The following MGST2 variants were observed in gnomAD, a reference collection of about 807,000 sequenced individuals.
MGST2 encodes the protein microsomal glutathione S-transferase 2.
Under a neutral mutation model 16.6 loss-of-function variants are expected in MGST2, and 9 were observed. The observed-to-expected ratio is 0.54, with a 90% CI of 0.33 to 0.95. The LOEUF (loss-of-function observed/expected upper bound fraction) is 0.95, where lower values mean the gene tolerates loss of function less well. MGST2 is among the 40% of genes least tolerant of loss of function. The probability of loss-of-function intolerance (pLI) is 0.03; values close to 1 mark genes in which losing one functional copy is unlikely to be tolerated. For synonymous variants in MGST2, 79 were observed against 68.0 expected (o/e 1.16, Z -0.79); for missense variants, 159 against 175.1 (o/e 0.91, Z 0.52).
chr4:139,691,933 C>T (rs1179970700), intron 2 of MGST2, among the ~76,000 whole-genome samples: 3 of 152,104 alleles, frequency 2.0e-5, no homozygotes, highest in African/African-American at 7.2e-5. Context: ...ATCTCCTGAC[C>T]TCGTGATTTG....
In MGST2 at chr4:139,703,409, C is replaced by T. The variant is rs370772482; in HGVS notation, c.230-46C>T. 8.3e-6 allele frequency: 12 copies of T among 1,438,626 alleles called. No individual in the cohort carries two copies. In the East Asian group the frequency reaches 9.1e-5, roughly 11 times the overall value. 89.1% of individuals were successfully genotyped at this position (1,438,626 alleles called of 1,614,324 possible). ...CGTCGTACAACATCTTAAGAGACTGCTGTTGTATTTTGTGCCTTTTCTTTT... is the reference window on the plus strand; with the variant it reads ...CGTCGTACAACATCTTAAGAGACTGTTGTTGTATTTTGTGCCTTTTCTTTT... On this transcript the variant is annotated intron_variant, in intron 3 of 4. Transcript: ENST00000265498.
At chr4:139,722,121 C>T (rs1579358434) in intron 5 of MGST2, among the ~76,000 whole-genome samples, 1 of 152,138 alleles carries the variant, frequency 6.6e-6, no homozygotes, top group Non-Finnish European at 1.5e-5. Context: ...TAGATACTGT[C>T]TGGAATAATT....
intron 5 of MGST2, among the ~76,000 whole-genome samples, chr4:139,734,873 A>T (rs1728871048): frequency 6.6e-6 from 1 of 152,224 alleles, no homozygotes; most frequent in Non-Finnish European, 1.5e-5. Context: ...GGTGACGGGG[A>T]CCCCGTGGAT....
At chr4:139,706,934 AATTG>A (rs1727541617), downstream of MGST2, among the ~76,000 whole-genome samples, 1 of 152,166 alleles carries the variant, frequency 6.6e-6, no homozygotes, top group African/African-American at 2.4e-5. Flanking sequence ...TATATTACTA[AATTG>A]ATCAATTTTA....
At chr4:139,729,446 C>T (rs1424603271) in intron 5 of MGST2, among the ~76,000 whole-genome samples, 2 of 152,062 alleles carry the variant, frequency 1.3e-5, no homozygotes, top group African/African-American at 4.8e-5. Context: ...ATAGTGCGAC[C>T]CCGTCTCTAT....
At chr4:139,710,070 G>T (rs545171216) in intron 5 of MGST2, among the ~76,000 whole-genome samples, 1 of 152,342 alleles carries the variant, frequency 6.6e-6, no homozygotes, top group South Asian at 2.1e-4. Flanking sequence ...TCCATTTTCA[G>T]ATAATTTTTC....
intron 2 of MGST2, 78 bp from the exon 3 acceptor site, chr4:139,695,119 T>C: frequency 2.0e-6 from 2 of 1,014,890 alleles, no homozygotes; most frequent in Admixed American, 3.5e-5. Context: ...GGCTGAACAT[T>C]TACCTCTAGA....
At chr4:139,692,450 C>G (rs1389341145) in intron 2 of MGST2, among the ~76,000 whole-genome samples, 1 of 152,260 alleles carries the variant, frequency 6.6e-6, no homozygotes, top group Non-Finnish European at 1.5e-5. Context: ...CTCCCCAGTC[C>G]TCTGTGAGTA....
rs72236914 is a variant in MGST2, at chr4:139,739,680, T to TTTC, written c.*49-530_*49-529insCTT. On this transcript the variant is annotated intron_variant, in intron 5 of 5. Coordinates refer to the MGST2 transcript ENST00000616265. ...TAAGAAAGGCAGGGGAGGAAAGCAG[T>TTTC]TTTTTTTTTTTTTTCTTTTATGTCC... Among the ~76,000 whole-genome samples, 132 of 30,762 alleles carry TTTC rather than the reference T, an allele frequency of 4.3e-3. 3 individuals are homozygous for TTTC. The highest frequency in any genetic ancestry group is 0.029 in the Middle Eastern group (1 of 34). 20.2% of individuals were successfully genotyped at this position (30,762 alleles called of 152,430 possible).
In MGST2 at chr4:139,699,881, T is replaced by G. The variant is rs547254739; in HGVS notation, c.230-3574T>G. ...AAGGAGACCCTGTGTCTACAAAATTTTTTTTAAAAAACTATCTGGGCACAC... is the reference window on the plus strand; with the variant it reads ...AAGGAGACCCTGTGTCTACAAAATTGTTTTTAAAAAACTATCTGGGCACAC... On this transcript the variant is annotated intron_variant, in intron 3 of 4. Transcript: ENST00000265498. Among the ~76,000 whole-genome samples, 103 of 152,030 alleles carry G rather than the reference T, an allele frequency of 6.8e-4. 1 individual carries two copies. In the Middle Eastern group the frequency reaches 0.01, roughly 15 times the overall value.
At chr4:139,749,879 A>G in the MGST2 span, among the ~76,000 whole-genome samples, 1 of 106,046 alleles carries the variant, frequency 9.4e-6, no homozygotes, top group African/African-American at 4.4e-5. Flanking sequence ...GTGGAGATGA[A>G]TAAGAACCCC....
chr4:139,720,584 T>G (rs984154854), intron 5 of MGST2, among the ~76,000 whole-genome samples: 3 of 152,254 alleles, frequency 2.0e-5, no homozygotes, highest in Non-Finnish European at 4.4e-5. Context: ...ATTCCTATTC[T>G]TTTATTTGTA....
At chr4:139,692,564 C>A (rs1312574373) in intron 2 of MGST2, among the ~76,000 whole-genome samples, 8 of 152,194 alleles carry the variant, frequency 5.3e-5, no homozygotes, top group Non-Finnish European at 1.2e-4. Flanking sequence ...GACTTTGTCT[C>A]TTCTGTCATC....
chr4:139,688,065 ATT>A (rs2110854126), intron 2 of MGST2, among the ~76,000 whole-genome samples: 1 of 152,246 alleles, frequency 6.6e-6, no homozygotes, highest in African/African-American at 2.4e-5. Context: ...TAATAAATTG[ATT>A]TTCTTGCAAT....
At chr4:139,667,094 A>G (rs1730398459) in intron 1 of MGST2, among the ~76,000 whole-genome samples, 1 of 152,192 alleles carries the variant, frequency 6.6e-6, no homozygotes, top group Non-Finnish European at 1.5e-5. Context: ...AACTGAGTTT[A>G]ATTGAGCAAA....
intron 5 of MGST2, among the ~76,000 whole-genome samples, chr4:139,728,857 C>G (rs998611056): frequency 2.6e-5 from 4 of 152,208 alleles, no homozygotes; most frequent in African/African-American, 2.4e-5. Flanking sequence ...CACAGCTGAG[C>G]TCTGCCTGCT....
chr4:139,753,900 A>G, the MGST2 span, among the ~76,000 whole-genome samples: 5 of 152,344 alleles, frequency 3.3e-5, no homozygotes, highest in South Asian at 1.0e-3. Flanking sequence ...AGAATTGTGT[A>G]ATGAGCAAAA....
downstream of MGST2, among the ~76,000 whole-genome samples, chr4:139,709,208 A>G (rs1435738882): frequency 1.4e-5 from 2 of 147,272 alleles, no homozygotes; most frequent in South Asian, 2.2e-4. Flanking sequence ...TCAGCCTCCC[A>G]AGTAGCTGGG....
At chr4:139,693,404 CA>C (rs55723907) in intron 2 of MGST2, among the ~76,000 whole-genome samples, 5,509 of 66,782 alleles carry the variant, frequency 0.082, 107 homozygotes, top group East Asian at 0.27. Flanking sequence ...GACTACGTCT[CA>C]AAAAAAAAAA....
Sources: gnomAD v4.1 joint callset for allele counts (sites outside exome capture counted in the v4.1 genomes callset) on GRCh38, gnomAD v4.1.1 for gene constraint, MANE v1.5 for transcripts, NCBI Gene and HGNC (gene_info 2026-07-23, HGNC 2026-07-21) for gene names.